Variants in ZNF592 observed in about 807,000 individuals in gnomAD.
ZNF592 encodes spinocerebellar ataxia, autosomal recessive 5.
A neutral mutation model predicts 80.3 loss-of-function variants in ZNF592; 11 were observed. The ratio of observed to expected loss-of-function variants is 0.14; its 90% CI spans 0.09 to 0.23. The LOEUF (loss-of-function observed/expected upper bound fraction) is 0.23, where lower values mean the gene tolerates loss of function less well. ZNF592 is among the 10% of genes least tolerant of loss of function. ZNF592 has a pLI of 1.00. For missense variants in ZNF592, 1,420 were observed against 1,633.9 expected (o/e 0.87, Z 2.26); for synonymous variants, 646 against 640.3 (o/e 1.01, Z -0.13).
rs1347829195 is a variant in ZNF592, at chr15:84,803,195, G to T, written c.*802G>T. On this transcript the variant is annotated 3_prime_UTR_variant, in exon 11 of 11. Transcript: ENST00000560079. ...ACATTGGAATATTTGTACTGCTCTCGTGCCATTTGAGAGGCTGCTGCCCCA... is the reference window on the plus strand; with the variant it reads ...ACATTGGAATATTTGTACTGCTCTCTTGCCATTTGAGAGGCTGCTGCCCCA... 1 of 152,552 alleles carries T rather than the reference G, an allele frequency of 6.6e-6. No homozygotes were observed. The highest frequency in any genetic ancestry group is 1.5e-5 in the Non-Finnish European group (1 of 68,042). The allele number at this position is 152,552 out of a possible 1,614,324, so 9.4% of individuals were successfully genotyped here. A position where few individuals can be genotyped will look rare whatever the true frequency, so the allele number is the denominator to read the frequency against.
intron 1 of ZNF592, among the ~76,000 whole-genome samples, chr15:84,757,134 G>A (rs574445112): frequency 1.3e-5 from 2 of 151,742 alleles, no homozygotes; most frequent in Admixed American, 6.6e-5. Flanking sequence ...AATTATTTTT[G>A]TAGTGATGAT....
At chr15:84,796,239 A>AAAAAAAAAT (rs1555431848) in intron 5 of ZNF592, among the ~76,000 whole-genome samples, 4 of 33,316 alleles carry the variant, frequency 1.2e-4, no homozygotes, top group Non-Finnish European at 1.9e-4. Flanking sequence ...AAAAAAAAAA[A>AAAAAAAAAT]ATATATATAT....
At position 84,806,201 on chromosome 15, in the gene ZNF592, GA is replaced by G. The variant is rs1188658908; in HGVS notation, c.*3810del. The G allele has an allele frequency of 6.6e-6, 1 of 152,180 alleles. No individual in the cohort carries two copies. Among genetic ancestry groups the G allele is most frequent in the Non-Finnish European group, 1.5e-5 (1 of 68,018 alleles). 9.4% of individuals were successfully genotyped at this position (152,180 alleles called of 1,614,324 possible). On this transcript the variant is annotated 3_prime_UTR_variant, in exon 11 of 11. Coordinates refer to ENST00000560079, the MANE Select transcript of ZNF592 (RefSeq NM_014630.3). The stretch of plus-strand genomic sequence containing the variant: ...CCAAGACAGCACCTTCTAGATTCTA[GA>G]ATGTGTCCTCCTGACTAAGGGGTTC...
chr15:84,778,952 G>A (rs1962344758), intron 3 of ZNF592, among the ~76,000 whole-genome samples: 1 of 152,180 alleles, frequency 6.6e-6, no homozygotes, highest in South Asian at 2.1e-4. Flanking sequence ...GAACACCAGG[G>A]TTCTTGGTCC....
At chr15:84,776,542 G>A (rs1962257371) in intron 2 of ZNF592, among the ~76,000 whole-genome samples, 1 of 152,106 alleles carries the variant, frequency 6.6e-6, no homozygotes, top group African/African-American at 2.4e-5. Context: ...GATCACATGA[G>A]GCTAGAAGTT....
chr15:84,759,953 T>G (rs1161498987), intron 1 of ZNF592, among the ~76,000 whole-genome samples: 1 of 47,456 alleles, frequency 2.1e-5, no homozygotes. Flanking sequence ...ATTGGGGAGA[T>G]TCCCCCCCCC....
chr15:84,786,836 C>T (rs1055882149), intron 4 of ZNF592, among the ~76,000 whole-genome samples: 3 of 134,310 alleles, frequency 2.2e-5, no homozygotes, highest in South Asian at 2.4e-4. Flanking sequence ...CTGGTCCTTA[C>T]GTATCTTTTT....
intron 5 of ZNF592, among the ~76,000 whole-genome samples, chr15:84,795,970 C>G (rs1163895384): frequency 6.6e-6 from 1 of 151,726 alleles, no homozygotes. Context: ...GCCTGTAATC[C>G]CAGCAATTTG....
intron 2 of ZNF592, among the ~76,000 whole-genome samples, chr15:84,772,088 T>C (rs1962097855): frequency 6.6e-6 from 1 of 152,224 alleles, no homozygotes; most frequent in South Asian, 2.1e-4. Flanking sequence ...GCCAATTCCA[T>C]GTGGTCACAA....
intron 5 of ZNF592, among the ~76,000 whole-genome samples, chr15:84,794,599 C>T (rs1480430892): frequency 6.6e-6 from 1 of 152,092 alleles, no homozygotes; most frequent in Non-Finnish European, 1.5e-5. Context: ...ACCTCAGCCT[C>T]CTGAATAGCT....
chr15:84,756,560 A>C (rs1182677536), intron 1 of ZNF592, among the ~76,000 whole-genome samples: 1 of 152,186 alleles, frequency 6.6e-6, no homozygotes, highest in East Asian at 1.9e-4. Context: ...GGCACTGAGC[A>C]GTTCAGATTT....
chr15:84,787,833 A>C (rs899829378), intron 4 of ZNF592, among the ~76,000 whole-genome samples: 1 of 152,232 alleles, frequency 6.6e-6, no homozygotes, highest in Non-Finnish European at 1.5e-5. Context: ...GGGGCTATAC[A>C]TCACGTTTGT....
chr15:84,758,875 G>A (rs1216226845), intron 1 of ZNF592, among the ~76,000 whole-genome samples: 6 of 152,068 alleles, frequency 3.9e-5, no homozygotes, highest in East Asian at 1.9e-4. Context: ...GTAGTGAGCC[G>A]TGATTATGCC....
intron 2 of ZNF592, among the ~76,000 whole-genome samples, chr15:84,773,305 G>A (rs896444138): frequency 2.7e-5 from 4 of 148,706 alleles, no homozygotes; most frequent in Non-Finnish European, 1.5e-5. Context: ...TCCGCCTCCC[G>A]GGTTCACGCC....
intron 1 of ZNF592, among the ~76,000 whole-genome samples, chr15:84,751,732 C>G (rs766241644): frequency 2.6e-5 from 4 of 151,968 alleles, no homozygotes; most frequent in South Asian, 2.1e-4. Context: ...TGGCGAAACC[C>G]TGTCTCTACT....
At chr15:84,756,407 C>T (rs1382393340) in intron 1 of ZNF592, among the ~76,000 whole-genome samples, 1 of 152,002 alleles carries the variant, frequency 6.6e-6, no homozygotes, top group Non-Finnish European at 1.5e-5. Context: ...CCTTTACAAG[C>T]CAAAGGGCAG....
intron 5 of ZNF592, 121 bp from the exon 6 acceptor site, chr15:84,797,744 TGAGG>T: frequency 1.8e-6 from 2 of 1,107,320 alleles, no homozygotes; most frequent in East Asian, 2.4e-5. Context: ...TCCAAGTGAT[TGAGG>T]GAGGGAGAAG....
intron 3 of ZNF592, among the ~76,000 whole-genome samples, chr15:84,782,353 G>A (rs557829672): frequency 2.6e-5 from 4 of 152,324 alleles, no homozygotes; most frequent in Admixed American, 2.0e-4. Context: ...AGCTGAGGGA[G>A]TATGGTAGGA....
At chr15:84,754,703 T>TTA (rs1239425391) in intron 1 of ZNF592, among the ~76,000 whole-genome samples, 1 of 145,798 alleles carries the variant, frequency 6.9e-6, no homozygotes, top group East Asian at 2.2e-4. Flanking sequence ...ACCCCGTCTC[T>TTA]TAAAAAAAAA....
Sources: allele counts gnomAD v4.1 joint callset (sites outside exome capture counted in the v4.1 genomes callset), GRCh38; gene constraint gnomAD v4.1.1; transcripts MANE v1.5; gene names NCBI Gene and HGNC (gene_info 2026-07-23, HGNC 2026-07-21).